MTG2: variants seen among roughly 807,000 people sequenced by gnomAD.
The protein encoded by MTG2 is mitochondrial ribosome associated GTPase 2.
In MTG2, 23 loss-of-function variants were observed where a neutral mutation model predicts 28.6. The observed-to-expected ratio is 0.80, with a 90% CI of 0.58 to 1.14. The LOEUF (loss-of-function observed/expected upper bound fraction) is 1.14. MTG2 is among the 50% of genes most tolerant of loss of function. The pLI, the probability that MTG2 is intolerant of heterozygous loss-of-function variation, is 0.00. For missense variants in MTG2, 539 were observed against 552.0 expected (o/e 0.98, Z 0.24); for synonymous variants, 260 against 251.8 (o/e 1.03, Z -0.31).
intron 1 of MTG2, among the ~76,000 whole-genome samples, chr20:62,186,978 A>C (rs2057862098): frequency 6.6e-6 from 1 of 151,984 alleles, no homozygotes; most frequent in Admixed American, 6.6e-5. Context: ...CCATCTTGGG[A>C]GGTAACCATT....
chr20:62,186,537 T>TTG (rs1555831130), intron 1 of MTG2, among the ~76,000 whole-genome samples: 4 of 129,370 alleles, frequency 3.1e-5, no homozygotes, highest in South Asian at 2.3e-4. Flanking sequence ...TGTTTTTTTT[T>TTG]TTTTTTTTTG....
chr20:62,189,317 GAAAA>G (rs765949239), intron 1 of MTG2, among the ~76,000 whole-genome samples: 2 of 150,028 alleles, frequency 1.3e-5, no homozygotes, highest in African/African-American at 2.5e-5. Context: ...AAAAAAAAAA[GAAAA>G]AAAAGTGTCT....
intron 2 of MTG2, 84 bp downstream of exon 2, chr20:62,193,708 A>C: frequency 7.9e-7 from 1 of 1,262,832 alleles, no homozygotes; most frequent in Non-Finnish European, 1.1e-6. Flanking sequence ...TCTGGGTCTC[A>C]TCTCTGTTGA....
intron 1 of MTG2, among the ~76,000 whole-genome samples, chr20:62,183,286 C>T (rs1230852608): frequency 1.3e-5 from 2 of 152,180 alleles, no homozygotes; most frequent in African/African-American, 4.8e-5. Context: ...CGGCGCCTTG[C>T]TCCCCGGTCC....
At chr20:62,192,124 T>C (rs1250871530) in intron 1 of MTG2, among the ~76,000 whole-genome samples, 1 of 152,238 alleles carries the variant, frequency 6.6e-6, no homozygotes, top group African/African-American at 2.4e-5. Context: ...GCCGCGGTTA[T>C]CAGGGACCCC....
chr20:62,184,130 G>A (rs1435322530), intron 1 of MTG2, among the ~76,000 whole-genome samples: 3 of 152,168 alleles, frequency 2.0e-5, no homozygotes, highest in Non-Finnish European at 4.4e-5. Flanking sequence ...AGGCCAAGGC[G>A]GGCAGATCAC....
At chr20:62,192,899 G>T (rs1404548129) in intron 1 of MTG2, among the ~76,000 whole-genome samples, 2 of 152,208 alleles carry the variant, frequency 1.3e-5, no homozygotes, top group Non-Finnish European at 2.9e-5. Context: ...ACCCAGCCGT[G>T]TGAGGAGGCC....
At chr20:62,195,997 CT>C (rs1436973047) in intron 3 of MTG2, 48 bp downstream of exon 3, 1 of 1,602,330 alleles carries the variant, frequency 6.2e-7, no homozygotes, top group East Asian at 2.2e-5. Flanking sequence ...GGCCCCGAGA[CT>C]GCATGTGCAT....
intron 1 of MTG2, among the ~76,000 whole-genome samples, chr20:62,191,970 A>G (rs1382166845): frequency 6.6e-6 from 1 of 152,244 alleles, no homozygotes; most frequent in African/African-American, 2.4e-5. Context: ...TAGAGTCTGC[A>G]GCTGTGCCAA....
intron 1 of MTG2, among the ~76,000 whole-genome samples, chr20:62,184,056 T>TA (rs1292510344): frequency 6.6e-6 from 1 of 152,220 alleles, no homozygotes; most frequent in Non-Finnish European, 1.5e-5. Flanking sequence ...ATAAAAAATG[T>TA]AAAGTCAAGA....
At chr20:62,190,449 A>G (rs1487408383) in intron 1 of MTG2, among the ~76,000 whole-genome samples, 1 of 152,222 alleles carries the variant, frequency 6.6e-6, no homozygotes, top group Non-Finnish European at 1.5e-5. Context: ...TCCCTCTGGT[A>G]TCATTTTCCT....
chr20:62,183,792 T>C (rs2057775883), intron 1 of MTG2, among the ~76,000 whole-genome samples: 1 of 152,226 alleles, frequency 6.6e-6, no homozygotes, highest in African/African-American at 2.4e-5. Context: ...CAAATTGTTT[T>C]AAACGCAGGT....
In MTG2 at chr20:62,201,031, A is replaced by T. The variant is rs1336475666; in HGVS notation, c.1175A>T (p.Tyr392Phe). 2 of 1,609,568 alleles carry T rather than the reference A, an allele frequency of 1.2e-6. No homozygotes were observed. Residue 392 changes from tyrosine to phenylalanine, a missense_variant, in exon 7 of 7, where the codon TAC (tyrosine) becomes TTC (phenylalanine). By Grantham distance (22) the Tyr-to-Phe change is conservative. Transcript: ENST00000370823. Reference sequence around the variant, plus strand: ...CACCTGAAGGTGCTGTATGACGCCTACGCGGAGGCCGAGCTGGGCCAGGGC... The same window carrying T: ...CACCTGAAGGTGCTGTATGACGCCTTCGCGGAGGCCGAGCTGGGCCAGGGC... ...LLHLKVLYDA[Y>F]AEAELGQGRQ...
In MTG2 at chr20:62,202,955, C is replaced by T. The variant is rs1307363856; in HGVS notation, c.*1878C>T. On this transcript the variant is annotated 3_prime_UTR_variant, in exon 7 of 7. Coordinates refer to ENST00000370823, the MANE Select transcript of MTG2 (RefSeq NM_015666.4). ...CAGGAGCAATTCCGTTTTGATCTCA[C>T]ATCAAATCTGCAGCTAGAACATGAC... is the stretch of plus-strand genomic sequence containing the variant. The T allele has an allele frequency of 3.9e-5, 6 of 152,242 alleles. No individual in the cohort carries two copies. The East Asian group carries it at 9.6e-4, about 24-fold the overall frequency. 9.4% of individuals were successfully genotyped at this position (152,242 alleles called of 1,614,324 possible).
At chr20:62,186,071 G>A (rs1017252895) in intron 1 of MTG2, among the ~76,000 whole-genome samples, 2 of 110,438 alleles carry the variant, frequency 1.8e-5, no homozygotes, top group South Asian at 3.3e-4. Flanking sequence ...AGAATATCCG[G>A]GCTGGATGGT....
At chr20:62,183,942 A>G (rs765959668) in intron 1 of MTG2, among the ~76,000 whole-genome samples, 2 of 152,202 alleles carry the variant, frequency 1.3e-5, no homozygotes, top group African/African-American at 2.4e-5. Flanking sequence ...CCTGCCGTAA[A>G]ATGCAGGTGT....
At position 62,202,143 on chromosome 20, in the gene MTG2, T is replaced by C. The variant is rs2058182762; in HGVS notation, c.*1066T>C. On this transcript the variant is annotated 3_prime_UTR_variant, in exon 7 of 7. Coordinates refer to ENST00000370823, the MANE Select transcript of MTG2 (RefSeq NM_015666.4). ...CTTTCCTGTCTGTGGTTTAAGTCTT[T>C]GCAGTCAAGTACTGATGCATCCAAG... The C allele has an allele frequency of 6.6e-6, 1 of 152,190 alleles. No individual in the cohort carries two copies. The highest frequency in any genetic ancestry group is 2.4e-5 in the African/African-American group (1 of 41,432). The allele number at this position is 152,190 out of a possible 1,614,324, so 9.4% of individuals were successfully genotyped here.
At chr20:62,187,952 A>G (rs2057880245) in intron 1 of MTG2, among the ~76,000 whole-genome samples, 1 of 151,984 alleles carries the variant, frequency 6.6e-6, no homozygotes, top group Admixed American at 6.6e-5. Context: ...GTTTCCTTCT[A>G]AACACTACTC....
chr20:62,195,755 G>A, intron 2 of MTG2, 47 bp from the exon 3 acceptor site: 1 of 1,608,746 alleles, frequency 6.2e-7, no homozygotes, highest in South Asian at 1.1e-5. Context: ...TGTCTTGAAA[G>A]GACCTTGGAG....
Sources: gnomAD v4.1 joint callset for allele counts (sites outside exome capture counted in the v4.1 genomes callset) on GRCh38, gnomAD v4.1.1 for gene constraint, MANE v1.5 for transcripts, NCBI Gene and HGNC (gene_info 2026-07-23, HGNC 2026-07-21) for gene names.